The following CTNNA3 variants were observed in gnomAD, a reference collection of about 807,000 sequenced individuals.
The protein encoded by CTNNA3 is catenin alpha 3.
A neutral mutation model predicts 95.7 loss-of-function variants in CTNNA3; 76 were observed. The observed-to-expected ratio is 0.79, with a 90% CI of 0.66 to 0.96. The LOEUF is 0.96. Among genes scored for constraint, CTNNA3 ranks in the 40% least tolerant of loss-of-function variants. CTNNA3 has a pLI of 0.00. For synonymous variants in CTNNA3, 431 were observed against 374.4 expected, an observed-to-expected ratio of 1.15 and a Z score of -1.74; for missense variants, 1,191 against 1,089.8, an observed-to-expected ratio of 1.09 and a Z score of -1.31.
chr10:66,382,179 A>T (rs2092845411), intron 11 of CTNNA3, among the ~76,000 whole-genome samples: 1 of 152,252 alleles, frequency 6.6e-6, no homozygotes, highest in Non-Finnish European at 1.5e-5. Flanking sequence ...TTTCCTAGCC[A>T]AGGGAAGCCA....
At chr10:66,878,813 C>T (rs905268641) in intron 7 of CTNNA3, among the ~76,000 whole-genome samples, 75 of 152,240 alleles carry the variant, frequency 4.9e-4, no homozygotes, top group Admixed American at 6.5e-4. Flanking sequence ...CACCTACTGC[C>T]AAAATTATTT....
intron 9 of CTNNA3, among the ~76,000 whole-genome samples, chr10:66,684,021 G>T (rs1443422873): frequency 6.6e-6 from 1 of 152,154 alleles, no homozygotes; most frequent in South Asian, 2.1e-4. Flanking sequence ...AGGGGCTGGA[G>T]GTGTGAGACA....
chr10:67,333,743 C>T (rs1841884010), intron 5 of CTNNA3, among the ~76,000 whole-genome samples: 3 of 152,126 alleles, frequency 2.0e-5, no homozygotes, highest in Non-Finnish European at 4.4e-5. Flanking sequence ...TCACACTGTC[C>T]TTTAAGGTCA....
chr10:67,105,478 T>A (rs1415661212), intron 7 of CTNNA3, among the ~76,000 whole-genome samples: 1 of 152,136 alleles, frequency 6.6e-6, no homozygotes, highest in East Asian at 1.9e-4. Flanking sequence ...ATACACCTTG[T>A]CAAAACCTGA....
intron 10 of CTNNA3, among the ~76,000 whole-genome samples, chr10:66,578,822 G>C (rs936292466): frequency 5.6e-5 from 8 of 142,906 alleles, no homozygotes; most frequent in Non-Finnish European, 9.1e-5. Flanking sequence ...TTGTGTCTCT[G>C]TCACATTTTG....
intron 9 of CTNNA3, among the ~76,000 whole-genome samples, chr10:66,631,104 T>C (rs1688277855): frequency 6.6e-6 from 1 of 152,178 alleles, no homozygotes; most frequent in Non-Finnish European, 1.5e-5. Flanking sequence ...GAAATTCATA[T>C]TCTCTTGAAC....
chr10:67,150,903 T>A lies in CTNNA3; in HGVS notation c.1047+29414A>T, dbSNP rs541373974. 3.6e-4 allele frequency among the ~76,000 whole-genome samples: 55 copies of A among 152,322 alleles called. 1 individual carries two copies. In the East Asian group the frequency reaches 0.01, roughly 29 times the overall value. On this transcript the variant is annotated intron_variant, in intron 7 of 17. Coordinates refer to ENST00000433211, the MANE Select transcript of CTNNA3 (RefSeq NM_013266.4). ...TACTTGGAAGACTTCATTCTCAATC[T>A]ACACGGCTATCCTTTCTTTTAAGTT...
rs893074732 is a variant in CTNNA3 at position 67,543,179 on chromosome 10, G to A, written c.293-3510C>T. 7.9e-5 allele frequency among the ~76,000 whole-genome samples: 12 copies of A among 151,576 alleles called. No individual in the cohort carries two copies. In the South Asian group the frequency reaches 2.5e-3, roughly 32 times the overall value. ...TCCATTTAGTTCCTTTCCTAAAAACGGGATTTTTTTTAATCGTTAAAAAAA... is the reference window on the plus strand; with the variant it reads ...TCCATTTAGTTCCTTTCCTAAAAACAGGATTTTTTTTAATCGTTAAAAAAA... On this transcript the variant is annotated intron_variant, in intron 3 of 17. Transcript: ENST00000433211.
At chr10:67,318,546 C>T (rs147406672) in intron 5 of CTNNA3, among the ~76,000 whole-genome samples, 4 of 152,308 alleles carry the variant, frequency 2.6e-5, no homozygotes, top group African/African-American at 9.6e-5. Flanking sequence ...TATGGTATAG[C>T]CAGCAGTCCT....
rs10565151 is a variant in CTNNA3 at position 66,659,181 on chromosome 10, AACACACACACAC to A, written c.1282-37409_1282-37398del. 5.8e-3 allele frequency among the ~76,000 whole-genome samples: 851 copies of A among 145,672 alleles called. 6 individuals carry two copies. Among genetic ancestry groups the A allele is most frequent in the African/African-American group, 0.017 (659 of 39,612 alleles). On this transcript the variant is annotated intron_variant, in intron 9 of 17. Coordinates refer to ENST00000433211, the MANE Select transcript of CTNNA3 (RefSeq NM_013266.4). The stretch of plus-strand genomic sequence containing the variant: ...TAGGGAGACAAAAAATAATTAAGAA[AACACACACACAC>A]ACACACACACACACACACACACACA...
intron 11 of CTNNA3, among the ~76,000 whole-genome samples, chr10:66,496,353 C>T (rs138014865): frequency 4.0e-4 from 61 of 152,126 alleles, no homozygotes; most frequent in Middle Eastern, 3.5e-3. Flanking sequence ...TATTTTAAAA[C>T]GATATATCTA....
intron 8 of CTNNA3, among the ~76,000 whole-genome samples, chr10:66,771,344 T>G (rs1840079410): frequency 6.6e-6 from 1 of 152,216 alleles, no homozygotes; most frequent in African/African-American, 2.4e-5. Context: ...GCTTAAATTT[T>G]TTTATAAAGT....
intron 7 of CTNNA3, among the ~76,000 whole-genome samples, chr10:66,892,860 A>G (rs928168521): frequency 6.6e-6 from 1 of 152,160 alleles, no homozygotes; most frequent in African/African-American, 2.4e-5. Context: ...TGCCAAAATC[A>G]GAATTAGCAC....
At chr10:67,414,989 T>C (rs1417561301) in intron 5 of CTNNA3, among the ~76,000 whole-genome samples, 4 of 152,086 alleles carry the variant, frequency 2.6e-5, no homozygotes, top group East Asian at 3.9e-4. Context: ...AAATCCTCAA[T>C]AAACAAAGGA....
At chr10:66,248,269 T>A (rs1442537720) in intron 13 of CTNNA3, among the ~76,000 whole-genome samples, 1 of 147,256 alleles carries the variant, frequency 6.8e-6, no homozygotes, top group Non-Finnish European at 1.5e-5. Context: ...TAAAAAGCAA[T>A]AAATTCATCA....
chr10:67,287,270 G>A (rs1054621736), intron 5 of CTNNA3, among the ~76,000 whole-genome samples: 9 of 151,952 alleles, frequency 5.9e-5, no homozygotes, highest in Admixed American at 2.6e-4. Flanking sequence ...CCCAGGAGAC[G>A]GAGGTTGCAG....
chr10:67,091,235 G>A (rs1857613678), intron 7 of CTNNA3, among the ~76,000 whole-genome samples: 3 of 151,872 alleles, frequency 2.0e-5, no homozygotes, highest in Non-Finnish European at 4.4e-5. Context: ...ACAGATAGTA[G>A]AGGCATCAAA....
At chr10:66,454,802 A>AGAGGAGGGAGAGGAGGGG in intron 11 of CTNNA3, among the ~76,000 whole-genome samples, 1 of 121,574 alleles carries the variant, frequency 8.2e-6, no homozygotes, top group African/African-American at 3.1e-5. Flanking sequence ...GAGAGGAATG[A>AGAGGAGGGAGAGGAGGGG]GAGGAGGGAG....
chr10:66,952,116 T>G (rs1337550628), intron 7 of CTNNA3, among the ~76,000 whole-genome samples: 1 of 152,190 alleles, frequency 6.6e-6, no homozygotes, highest in Admixed American at 6.5e-5. Flanking sequence ...CCCAATATTT[T>G]TAAGCATAAG....
Sources: allele counts gnomAD v4.1 joint callset (sites outside exome capture counted in the v4.1 genomes callset), GRCh38; gene constraint gnomAD v4.1.1; transcripts MANE v1.5; gene names NCBI Gene and HGNC (gene_info 2026-07-23, HGNC 2026-07-21).